Variants in CARMIL1 observed in about 807,000 individuals in gnomAD.
CARMIL1 encodes the protein F-actin-uncapping protein LRRC16A.
A neutral mutation model predicts 177.1 loss-of-function variants in CARMIL1; 90 were observed. The observed-to-expected ratio is 0.51, with a 90% CI of 0.43 to 0.61. The LOEUF is 0.61. Among genes scored for constraint, CARMIL1 ranks in the 20% least tolerant of loss-of-function variants. The probability of loss-of-function intolerance (pLI) is 0.00; values close to 1 mark genes in which losing one functional copy is unlikely to be tolerated. For missense variants in CARMIL1, 1,380 were observed against 1,667.0 expected (o/e 0.83, Z 3.00); for synonymous variants, 577 against 606.2 (o/e 0.95, Z 0.71).
Position 25,302,348 on chromosome 6 carries a change from G to A in CARMIL1, c.138+17439G>A, listed in dbSNP as rs147515366. Among the ~76,000 whole-genome samples the A allele has an allele frequency of 1.3e-3, 199 of 152,312 alleles. 1 individual carries two copies. Among genetic ancestry groups the A allele is most frequent in the South Asian group, 0.012 (57 of 4,820 alleles). ...AGATGGTTGGCTGAGTTCCATTAGGGTAATATATTCTGGGAATGTGGTCCA... is the reference window on the plus strand; with the variant it reads ...AGATGGTTGGCTGAGTTCCATTAGGATAATATATTCTGGGAATGTGGTCCA... On this transcript the variant is annotated intron_variant, in intron 2 of 36. Coordinates refer to ENST00000329474, the MANE Select transcript of CARMIL1 (RefSeq NM_017640.6).
At chr6:25,459,252 T>TTCTTTCTTTCTTTCTTTC (rs1799850656) in intron 8 of CARMIL1, among the ~76,000 whole-genome samples, 1 of 120,350 alleles carries the variant, frequency 8.3e-6, no homozygotes, top group African/African-American at 3.0e-5. Flanking sequence ...CTTTCTTTCT[T>TTCTTTCTTTCTTTCTTTC]TCTTTCTTTC....
chr6:25,512,708 A>G (rs1805574515), intron 20 of CARMIL1, among the ~76,000 whole-genome samples: 1 of 152,172 alleles, frequency 6.6e-6, no homozygotes, highest in African/African-American at 2.4e-5. Flanking sequence ...TGAAAAACCT[A>G]CATGCTGGTG....
chr6:25,501,355 T>C (rs1804314955), intron 17 of CARMIL1, among the ~76,000 whole-genome samples: 1 of 152,198 alleles, frequency 6.6e-6, no homozygotes, highest in East Asian at 1.9e-4. Context: ...TGCAGTCTCC[T>C]GCATGCGTGC....
intron 2 of CARMIL1, among the ~76,000 whole-genome samples, chr6:25,314,669 C>T (rs1392068541): frequency 6.9e-6 from 1 of 144,352 alleles, no homozygotes; most frequent in African/African-American, 2.7e-5. Flanking sequence ...GTATATCCAG[C>T]TGTTTCCTTA....
At chr6:25,527,661 A>T (rs1313506726) in intron 23 of CARMIL1, 1 of 445,570 alleles carries the variant, frequency 2.2e-6, no homozygotes, top group Admixed American at 2.6e-5. Flanking sequence ...TTAATGTGCC[A>T]CTTTAATGAT....
At chr6:25,404,330 T>G (rs1177205125) in intron 2 of CARMIL1, among the ~76,000 whole-genome samples, 2 of 152,202 alleles carry the variant, frequency 1.3e-5, no homozygotes, top group Non-Finnish European at 2.9e-5. Context: ...GCATTCTCAA[T>G]GGAGGCAAGA....
At chr6:25,535,776 A>G (rs1808239962) in intron 24 of CARMIL1, among the ~76,000 whole-genome samples, 1 of 152,018 alleles carries the variant, frequency 6.6e-6, no homozygotes, top group South Asian at 2.1e-4. Flanking sequence ...TTCAATCTGT[A>G]CTCTGTGTAA....
chr6:25,488,339 T>A (rs1454390670), intron 12 of CARMIL1, 143 bp from the exon 13 acceptor site: 1 of 687,162 alleles, frequency 1.5e-6, no homozygotes, highest in Non-Finnish European at 2.6e-6. Flanking sequence ...GGAGACACAA[T>A]CATAGCGCCA....
intron 2 of CARMIL1, among the ~76,000 whole-genome samples, chr6:25,301,704 C>T (rs955313970): frequency 2.0e-5 from 3 of 152,190 alleles, no homozygotes; most frequent in East Asian, 1.9e-4. Context: ...CCTGGGTAGC[C>T]TCTGCCTCTT....
chr6:25,450,984 C>CTCTCCCCT lies in CARMIL1; in HGVS notation c.614+273_614+274insTCTCCCCT, dbSNP rs201942523. The stretch of plus-strand genomic sequence containing the variant: ...CTCCTCTCTTCTCTTCTCCTCTCCC[C>CTCTCCCCT]CTCCCCTCTCCCCTCTCCCCTCTCC... On this transcript the variant is annotated intron_variant, in intron 8 of 36. Coordinates refer to ENST00000329474, the MANE Select transcript of CARMIL1 (RefSeq NM_017640.6). Among the ~76,000 whole-genome samples the CTCTCCCCT allele has an allele frequency of 2.1e-3, 13 of 6,204 alleles. 5 individuals carry two copies. The highest frequency in any genetic ancestry group is 0.016 in the South Asian group (1 of 62). The allele number at this position is 6,204 out of a possible 152,430, so 4.1% of individuals were successfully genotyped here.
At chr6:25,618,132 G>T (rs1328037538) in intron 36 of CARMIL1, among the ~76,000 whole-genome samples, 1 of 152,078 alleles carries the variant, frequency 6.6e-6, no homozygotes, top group Non-Finnish European at 1.5e-5. Context: ...ACCAGCATCT[G>T]GCTCTAATAC....
chr6:25,450,590 TG>T, intron 7 of CARMIL1, 47 bp from the exon 8 acceptor site: 1 of 1,189,372 alleles, frequency 8.4e-7, no homozygotes. Flanking sequence ...CTTGCTTTCC[TG>T]GTCATCTGCA....
At chr6:25,318,295 G>A (rs976509161) in intron 2 of CARMIL1, among the ~76,000 whole-genome samples, 1 of 152,128 alleles carries the variant, frequency 6.6e-6, no homozygotes, top group Non-Finnish European at 1.5e-5. Context: ...GGAGAAGGTC[G>A]GGAAGGGAAA....
At chr6:25,613,624 G>GA (rs138838111) in intron 36 of CARMIL1, among the ~76,000 whole-genome samples, 1,810 of 152,176 alleles carry the variant, frequency 0.012, 27 homozygotes, top group African/African-American at 0.039. Flanking sequence ...CTGACTCAGA[G>GA]AAAAAAATGT....
chr6:25,323,593 G>A (rs192958519), intron 2 of CARMIL1, among the ~76,000 whole-genome samples: 1 of 152,098 alleles, frequency 6.6e-6, no homozygotes, highest in Admixed American at 6.5e-5. Context: ...TAAAAAGCTT[G>A]GTTATTTATC....
At chr6:25,524,427 G>C (rs935248359) in intron 23 of CARMIL1, among the ~76,000 whole-genome samples, 17 of 152,116 alleles carry the variant, frequency 1.1e-4, no homozygotes, top group African/African-American at 4.1e-4. Flanking sequence ...CAAAAGCAAG[G>C]ACACTAGAGG....
chr6:25,286,714 T>A (rs937272236), intron 2 of CARMIL1, among the ~76,000 whole-genome samples: 8 of 152,202 alleles, frequency 5.3e-5, no homozygotes, highest in Non-Finnish European at 8.8e-5. Context: ...TATGACAGTC[T>A]AAAAAATTGG....
intron 4 of CARMIL1, among the ~76,000 whole-genome samples, chr6:25,434,875 C>G (rs1797098349): frequency 6.6e-6 from 1 of 152,096 alleles, no homozygotes; most frequent in African/African-American, 2.4e-5. Context: ...AAGCATTTCT[C>G]TTTTGCTCCC....
At chr6:25,404,184 T>C (rs1794146368) in intron 2 of CARMIL1, among the ~76,000 whole-genome samples, 1 of 152,012 alleles carries the variant, frequency 6.6e-6, no homozygotes, top group African/African-American at 2.4e-5. Context: ...TGCCTGCACT[T>C]GAGGAGCCAC....
Sources: gnomAD v4.1 joint callset for allele counts (sites outside exome capture counted in the v4.1 genomes callset) on GRCh38, gnomAD v4.1.1 for gene constraint, MANE v1.5 for transcripts, NCBI Gene and HGNC (gene_info 2026-07-23, HGNC 2026-07-21) for gene names.